Variants in TBC1D1 observed in about 807,000 individuals in gnomAD.
The protein encoded by TBC1D1 is TBC1 (tre-2/USP6, BUB2, cdc16) domain family, member 1.
In TBC1D1, 89 loss-of-function variants were observed where a neutral mutation model predicts 125.6. The ratio of observed to expected loss-of-function variants is 0.71; its 90% CI spans 0.60 to 0.85. The LOEUF is 0.85. Ranked by LOEUF, TBC1D1 falls within the 40% of genes least tolerant of loss-of-function variation. The probability of loss-of-function intolerance (pLI) is 0.00; values close to 1 mark genes in which losing one functional copy is unlikely to be tolerated. For synonymous variants in TBC1D1, 565 were observed against 564.1 expected (o/e 1.00, Z -0.02); for missense variants, 1,377 against 1,469.2 (o/e 0.94, Z 1.03).
chr4:38,040,264 CTT>C (rs1748089607), intron 8 of TBC1D1, among the ~76,000 whole-genome samples: 2 of 152,066 alleles, frequency 1.3e-5, no homozygotes, highest in Admixed American at 1.3e-4. Flanking sequence ...TTGCTTTAGT[CTT>C]TTAGCTAATA....
intron 14 of TBC1D1, among the ~76,000 whole-genome samples, chr4:38,099,425 A>G (rs1759918274): frequency 6.6e-6 from 1 of 152,228 alleles, no homozygotes; most frequent in African/African-American, 2.4e-5. Context: ...CAGGATGACC[A>G]TAGGGCCCAA....
intron 12 of TBC1D1, among the ~76,000 whole-genome samples, chr4:38,067,078 T>C (rs1269395581): frequency 1.3e-5 from 2 of 152,118 alleles, no homozygotes; most frequent in African/African-American, 4.8e-5. Context: ...GGTTTCACCA[T>C]GTTAACCAGG....
chr4:37,980,581 A>G (rs1030360285), intron 2 of TBC1D1, among the ~76,000 whole-genome samples: 2 of 152,226 alleles, frequency 1.3e-5, no homozygotes, highest in African/African-American at 4.8e-5. Context: ...TATTGCTGGT[A>G]TCTCAAGTTG....
intron 15 of TBC1D1, among the ~76,000 whole-genome samples, chr4:38,107,268 C>A (rs1344332307): frequency 6.6e-6 from 1 of 152,196 alleles, no homozygotes; most frequent in Non-Finnish European, 1.5e-5. Flanking sequence ...CCAGGGAGGC[C>A]TCCCACAGAA....
At chr4:38,071,375 A>G (rs1560734713) in intron 12 of TBC1D1, among the ~76,000 whole-genome samples, 1 of 152,198 alleles carries the variant, frequency 6.6e-6, no homozygotes, top group Non-Finnish European at 1.5e-5. Flanking sequence ...AGTTTCAGGA[A>G]TAGTTTGGGA....
chr4:38,084,558 G>GT (rs1757148754), intron 12 of TBC1D1, among the ~76,000 whole-genome samples: 1 of 152,118 alleles, frequency 6.6e-6, no homozygotes, highest in African/African-American at 2.4e-5. Flanking sequence ...ATTTTACTTT[G>GT]TTTTTTTCTA....
chr4:38,104,291 C>A (rs78760880), intron 15 of TBC1D1, among the ~76,000 whole-genome samples: 1,748 of 152,226 alleles, frequency 0.011, 38 homozygotes, highest in African/African-American at 0.041. Context: ...CAACCTATCC[C>A]CCGAGGATGC....
At chr4:37,916,427 G>A (rs527948543) in intron 2 of TBC1D1, among the ~76,000 whole-genome samples, 14 of 151,998 alleles carry the variant, frequency 9.2e-5, no homozygotes, top group South Asian at 4.2e-4. Flanking sequence ...TAGCAATTTC[G>A]TAGTTGTCCC....
chr4:38,135,846 A>G (rs1288842720), intron 19 of TBC1D1, among the ~76,000 whole-genome samples: 1 of 113,394 alleles, frequency 8.8e-6, no homozygotes, highest in Non-Finnish European at 1.9e-5. Context: ...AATGAAAAAT[A>G]TATATATATG....
chr4:38,052,000 T>TAAAA, intron 11 of TBC1D1: 2 of 1,551,006 alleles, frequency 1.3e-6, no homozygotes, highest in Non-Finnish European at 1.7e-6. Context: ...TCGCCAAACT[T>TAAAA]TTTTAAGTAC....
intron 2 of TBC1D1, among the ~76,000 whole-genome samples, chr4:37,949,451 A>G (rs1200993442): frequency 6.6e-6 from 1 of 152,230 alleles, no homozygotes; most frequent in Non-Finnish European, 1.5e-5. Context: ...TCTGAGGCAC[A>G]TGGATGTTGT....
intron 2 of TBC1D1, chr4:37,960,392 G>T: frequency 6.6e-7 from 1 of 1,512,378 alleles, no homozygotes; most frequent in Middle Eastern, 1.8e-4. Flanking sequence ...GTGGGACCAC[G>T]GTCTTAGATG....
chr4:38,035,522 A>G, intron 7 of TBC1D1, 66 bp from the exon 8 acceptor site: 1 of 1,340,396 alleles, frequency 7.5e-7, no homozygotes, highest in Non-Finnish European at 1.1e-6. Context: ...TTAGCATTTA[A>G]AAAGACGGCT....
At chr4:38,064,626 CTT>C (rs71190945) in intron 12 of TBC1D1, among the ~76,000 whole-genome samples, 58 of 138,198 alleles carry the variant, frequency 4.2e-4, no homozygotes, top group Non-Finnish European at 5.5e-4. Context: ...AGCTACATTT[CTT>C]TTTTTTTTTT....
chr4:38,115,533 A>G (rs550685639), intron 15 of TBC1D1, among the ~76,000 whole-genome samples, 177 bp from the exon 18 acceptor site: 29 of 152,350 alleles, frequency 1.9e-4, no homozygotes, highest in African/African-American at 7.0e-4. Flanking sequence ...AATTGAAAGC[A>G]TTATTCCAGG....
intron 15 of TBC1D1, among the ~76,000 whole-genome samples, chr4:38,104,222 G>C (rs1037597978): frequency 6.8e-6 from 1 of 147,958 alleles, no homozygotes; most frequent in Admixed American, 6.8e-5. Context: ...TGCAAACATA[G>C]CACCATCTTA....
chr4:38,012,782 C>G (rs1311298449), intron 2 of TBC1D1, among the ~76,000 whole-genome samples: 2 of 151,932 alleles, frequency 1.3e-5, no homozygotes, highest in African/African-American at 2.4e-5. Context: ...AGATGCTTGA[C>G]CTGTTGAAAT....
intron 17 of TBC1D1, among the ~76,000 whole-genome samples, chr4:38,121,573 C>T (rs1295012455): frequency 5.3e-5 from 8 of 152,296 alleles, no homozygotes; most frequent in Middle Eastern, 3.4e-3. Flanking sequence ...AGGACGTGGG[C>T]TACAGTGTAG....
intron 2 of TBC1D1, among the ~76,000 whole-genome samples, chr4:38,004,110 C>A (rs1739603793): frequency 6.6e-6 from 1 of 152,234 alleles, no homozygotes; most frequent in South Asian, 2.1e-4. Flanking sequence ...GCATTCCAAG[C>A]TACAGAGTTC....
Sources: gnomAD v4.1 joint callset for allele counts (sites outside exome capture counted in the v4.1 genomes callset) on GRCh38, gnomAD v4.1.1 for gene constraint, MANE v1.5 for transcripts, NCBI Gene and HGNC (gene_info 2026-07-23, HGNC 2026-07-21) for gene names.